Variants in OPCML observed in about 807,000 individuals in gnomAD.
OPCML encodes opioid-binding protein/cell adhesion molecule.
In OPCML, 13 loss-of-function variants were observed where a neutral mutation model predicts 37.8. The ratio of observed to expected loss-of-function variants is 0.34; its 90% CI spans 0.22 to 0.55. The LOEUF is 0.55. OPCML is among the 20% of genes least tolerant of loss of function. The pLI is 0.91. For synonymous variants in OPCML, 176 were observed against 168.8 expected, an observed-to-expected ratio of 1.04 and a Z score of -0.33; for missense variants, 341 against 435.6, an observed-to-expected ratio of 0.78 and a Z score of 1.93.
intron 3 of OPCML, among the ~76,000 whole-genome samples, chr11:132,555,455 A>G (rs1048929448): frequency 2.0e-5 from 3 of 152,158 alleles, no homozygotes; most frequent in African/African-American, 7.2e-5. Context: ...ACAATATGGG[A>G]GAAACTGCTC....
In OPCML at chr11:132,770,209, G is replaced by A. The variant is rs1251107958; in HGVS notation, c.147-112890C>T. On this transcript the variant is annotated intron_variant, in intron 2 of 7. Coordinates refer to ENST00000524381, the MANE Select transcript of OPCML (RefSeq NM_001012393.5). ...CCCAAACACTTGTCTTAAATGCTGG[G>A]GATACCGCACTACCAAACAGACACG... Among the ~76,000 whole-genome samples the A allele has an allele frequency of 2.0e-5, 3 of 152,246 alleles. No homozygotes were observed. In the East Asian group the frequency reaches 5.8e-4, roughly 29 times the overall value.
At chr11:132,655,977 T>C (rs191865242) in intron 3 of OPCML, among the ~76,000 whole-genome samples, 657 of 150,126 alleles carry the variant, frequency 4.4e-3, no homozygotes, top group Non-Finnish European at 6.6e-3. Flanking sequence ...CTATGACAGA[T>C]GGGATCTGAT....
intron 1 of OPCML, among the ~76,000 whole-genome samples, chr11:133,368,249 G>A (rs570244527): frequency 1.4e-5 from 2 of 146,774 alleles, no homozygotes; most frequent in South Asian, 2.1e-4. Flanking sequence ...GGTGAGGTGG[G>A]GGGGGGAAGG....
intron 1 of OPCML, chr11:133,365,372 G>T: frequency 6.5e-6 from 1 of 152,770 alleles, no homozygotes; most frequent in South Asian, 1.9e-4. Context: ...GGTGTCTGAC[G>T]AAGGACTGTT....
chr11:132,538,658 T>C (rs1038232315), intron 3 of OPCML, among the ~76,000 whole-genome samples: 5 of 152,198 alleles, frequency 3.3e-5, no homozygotes, highest in African/African-American at 4.8e-5. Context: ...CCCCAACACA[T>C]GTGACTTCTC....
At chr11:133,094,905 C>T (rs984603335) in intron 1 of OPCML, among the ~76,000 whole-genome samples, 1 of 151,876 alleles carries the variant, frequency 6.6e-6, no homozygotes, top group African/African-American at 2.4e-5. Context: ...AAAATTTTAC[C>T]CCAGTGATGC....
At chr11:132,614,530 T>TA (rs1388992420) in intron 3 of OPCML, among the ~76,000 whole-genome samples, 2 of 152,148 alleles carry the variant, frequency 1.3e-5, no homozygotes, top group Non-Finnish European at 2.9e-5. Context: ...GTGTCTGTCT[T>TA]ACTTTCTTCA....
At chr11:132,755,041 T>C (rs1190743857) in intron 2 of OPCML, among the ~76,000 whole-genome samples, 1 of 152,194 alleles carries the variant, frequency 6.6e-6, no homozygotes, top group African/African-American at 2.4e-5. Flanking sequence ...AGAAAATTTG[T>C]AATTAAAAAC....
chr11:132,659,629 T>C (rs1257378651), intron 2 of OPCML, among the ~76,000 whole-genome samples: 2 of 152,196 alleles, frequency 1.3e-5, no homozygotes, highest in Non-Finnish European at 2.9e-5. Context: ...AATTGTAAGC[T>C]ACAATTGAAA....
chr11:132,449,239 G>A (rs2096062758), intron 4 of OPCML, among the ~76,000 whole-genome samples: 1 of 152,186 alleles, frequency 6.6e-6, no homozygotes, highest in African/African-American at 2.4e-5. Flanking sequence ...CAATTATGAA[G>A]GACTATGTGT....
At chr11:132,615,977 T>G (rs930687745) in intron 3 of OPCML, among the ~76,000 whole-genome samples, 2 of 152,206 alleles carry the variant, frequency 1.3e-5, no homozygotes, top group Non-Finnish European at 2.9e-5. Flanking sequence ...CCAATGAATC[T>G]AGGCTACACT....
chr11:133,046,305 A>G (rs1424254551), intron 1 of OPCML, among the ~76,000 whole-genome samples: 1 of 152,228 alleles, frequency 6.6e-6, no homozygotes, highest in Non-Finnish European at 1.5e-5. Context: ...TTACAGAGAC[A>G]AGCAAGAAGC....
intron 1 of OPCML, among the ~76,000 whole-genome samples, chr11:133,495,893 G>A (rs368302425): frequency 2.0e-5 from 3 of 152,044 alleles, no homozygotes; most frequent in African/African-American, 4.8e-5. Flanking sequence ...CTGCAAAAGC[G>A]CTTTTGTTTA....
At chr11:133,028,894 CAAAA>C (rs56272022) in intron 1 of OPCML, among the ~76,000 whole-genome samples, 1 of 140,124 alleles carries the variant, frequency 7.1e-6, no homozygotes, top group Admixed American at 7.0e-5. Context: ...CTGCACACAG[CAAAA>C]AAAAAAAAAA....
intron 1 of OPCML, among the ~76,000 whole-genome samples, chr11:133,479,601 C>T: frequency 6.6e-6 from 1 of 152,206 alleles, no homozygotes; most frequent in East Asian, 1.9e-4. Flanking sequence ...AAGGGCAGCA[C>T]ACCAAAGGAA....
intron 1 of OPCML, among the ~76,000 whole-genome samples, chr11:133,458,644 T>C (rs572669366): frequency 2.3e-5 from 3 of 130,892 alleles, no homozygotes; most frequent in South Asian, 2.2e-4. Context: ...TATATACACA[T>C]AGATGCACGT....
At chr11:133,273,297 TG>T in intron 1 of OPCML, among the ~76,000 whole-genome samples, 1 of 152,248 alleles carries the variant, frequency 6.6e-6, no homozygotes, top group East Asian at 1.9e-4. Flanking sequence ...ACCAGGCCTC[TG>T]GACTGCAAAA....
At chr11:133,031,762 G>A (rs990698734) in intron 1 of OPCML, among the ~76,000 whole-genome samples, 1 of 149,638 alleles carries the variant, frequency 6.7e-6, no homozygotes, top group Non-Finnish European at 1.5e-5. Context: ...AGAACAGTAT[G>A]ACAGAAAAAA....
At chr11:133,444,562 G>T (rs555802606) in intron 1 of OPCML, among the ~76,000 whole-genome samples, 1 of 152,102 alleles carries the variant, frequency 6.6e-6, no homozygotes, top group East Asian at 1.9e-4. Flanking sequence ...AATTTCTAGG[G>T]TTATCTTTTC....
Sources: allele counts gnomAD v4.1 joint callset (sites outside exome capture counted in the v4.1 genomes callset), GRCh38; gene constraint gnomAD v4.1.1; transcripts MANE v1.5; gene names NCBI Gene and HGNC (gene_info 2026-07-23, HGNC 2026-07-21).